SND1: variants seen among roughly 807,000 people sequenced by gnomAD.
SND1 encodes staphylococcal nuclease domain-containing protein 1.
In SND1, 38 loss-of-function variants were observed where a neutral mutation model predicts 121.7. The ratio of observed to expected loss-of-function variants is 0.31; its 90% CI spans 0.24 to 0.41. SND1 has a LOEUF of 0.41. SND1 is among the 10% of genes least tolerant of loss of function. The pLI, the probability that SND1 is intolerant of heterozygous loss-of-function variation, is 1.00. For missense variants in SND1, 868 were observed against 1,184.6 expected (o/e 0.73, Z 3.92); for synonymous variants, 401 against 447.4 (o/e 0.90, Z 1.31).
At chr7:128,024,513 C>T (rs1286328173) in intron 16 of SND1, among the ~76,000 whole-genome samples, 1 of 152,180 alleles carries the variant, frequency 6.6e-6, no homozygotes, top group African/African-American at 2.4e-5. Context: ...TAGCCCTCTC[C>T]CAGTCTCTAC....
intron 10 of SND1, among the ~76,000 whole-genome samples, chr7:127,722,179 G>T (rs1796506085): frequency 1.3e-5 from 2 of 152,160 alleles, no homozygotes; most frequent in Admixed American, 1.3e-4. Flanking sequence ...TAAACTGTGT[G>T]ATTATGTTAA....
intron 11 of SND1, among the ~76,000 whole-genome samples, chr7:127,823,046 A>G (rs1455844426): frequency 6.6e-6 from 1 of 152,226 alleles, no homozygotes; most frequent in Non-Finnish European, 1.5e-5. Context: ...GTTTAGGAAA[A>G]TTAAGAACAG....
intron 10 of SND1, among the ~76,000 whole-genome samples, chr7:127,746,907 G>A (rs1423041095): frequency 6.6e-6 from 1 of 152,226 alleles, no homozygotes; most frequent in Non-Finnish European, 1.5e-5. Flanking sequence ...AGCCATTTAA[G>A]TAGTCAGCAT....
chr7:127,717,119 ACAGAGTTCTTAT>A (rs1796405340), intron 9 of SND1, among the ~76,000 whole-genome samples: 2 of 152,356 alleles, frequency 1.3e-5, no homozygotes, highest in South Asian at 4.1e-4. Flanking sequence ...AGCAGGTAGC[ACAGAGTTCTTAT>A]ATTACTCATC....
intron 10 of SND1, among the ~76,000 whole-genome samples, chr7:127,729,439 C>CTTTT (rs10712716): frequency 3.1e-5 from 3 of 97,352 alleles, no homozygotes; most frequent in African/African-American, 1.2e-4. Context: ...AGATAAATTA[C>CTTTT]TTTTTTTTTT....
intron 16 of SND1, among the ~76,000 whole-genome samples, chr7:128,022,347 C>A (rs779437057): frequency 5.9e-5 from 9 of 152,052 alleles, no homozygotes; most frequent in Non-Finnish European, 1.0e-4. Context: ...AATGAACAAA[C>A]CTGAAAGCCT....
chr7:127,948,947 A>AT (rs1801397168), intron 15 of SND1, among the ~76,000 whole-genome samples: 1 of 152,258 alleles, frequency 6.6e-6, no homozygotes, highest in African/African-American at 2.4e-5. Flanking sequence ...AAGCTGAGAA[A>AT]TAAGTTTCAA....
At chr7:127,704,065 C>T (rs986146503) in intron 7 of SND1, among the ~76,000 whole-genome samples, 1 of 152,154 alleles carries the variant, frequency 6.6e-6, no homozygotes, top group Non-Finnish European at 1.5e-5. Flanking sequence ...CTGCTTTTAG[C>T]AGGGAGTAGG....
chr7:127,884,197 G>T (rs1799850185), intron 12 of SND1, among the ~76,000 whole-genome samples: 1 of 151,916 alleles, frequency 6.6e-6, no homozygotes. Flanking sequence ...TTGTTTTCTG[G>T]TACTACATGT....
At chr7:128,046,193 C>G (rs1347187817) in intron 16 of SND1, among the ~76,000 whole-genome samples, 2 of 152,156 alleles carry the variant, frequency 1.3e-5, no homozygotes, top group African/African-American at 4.8e-5. Context: ...AACTCCTGAG[C>G]TAAAGCAATC....
chr7:127,865,547 C>A (rs1005245625), intron 12 of SND1, among the ~76,000 whole-genome samples: 1 of 152,052 alleles, frequency 6.6e-6, no homozygotes, highest in Admixed American at 6.6e-5. Context: ...TAATTAAGTC[C>A]TTTGGCTTCA....
intron 13 of SND1, 136 bp downstream of exon 13, chr7:127,888,148 C>G (rs1799946163): frequency 1.8e-6 from 1 of 559,746 alleles, no homozygotes; most frequent in African/African-American, 1.9e-5. Context: ...TCTAGATTTT[C>G]CCCATGAAAA....
chr7:128,047,282 G>T (rs1167900674), intron 16 of SND1, among the ~76,000 whole-genome samples: 1 of 152,212 alleles, frequency 6.6e-6, no homozygotes, highest in East Asian at 1.9e-4. Flanking sequence ...TTTCCACAGT[G>T]AGTGCCTGTG....
chr7:127,709,125 T>C (rs1349897186), intron 9 of SND1, among the ~76,000 whole-genome samples: 2 of 152,182 alleles, frequency 1.3e-5, no homozygotes, highest in African/African-American at 2.4e-5. Context: ...CTTGCACCTG[T>C]TGGGATATCC....
chr7:127,701,366 C>CT (rs764559701), intron 5 of SND1, 43 bp downstream of exon 5: 5 of 1,588,632 alleles, frequency 3.1e-6, no homozygotes, highest in Non-Finnish European at 4.3e-6. Flanking sequence ...AGGGTGATTT[C>CT]TTTCTGTTTG....
intron 12 of SND1, among the ~76,000 whole-genome samples, chr7:127,852,337 T>C (rs925330141): frequency 1.7e-4 from 24 of 140,764 alleles, no homozygotes; most frequent in Admixed American, 4.4e-4. Context: ...CTACTAAAAA[T>C]AGGAAAATTA....
chr7:128,061,071 A>G (rs969882146), intron 16 of SND1, among the ~76,000 whole-genome samples: 1 of 152,234 alleles, frequency 6.6e-6, no homozygotes, highest in African/African-American at 2.4e-5. Flanking sequence ...CAGCTACTTC[A>G]TGCCTGAGAA....
intron 1 of SND1, among the ~76,000 whole-genome samples, chr7:127,655,316 T>G (rs1291287043): frequency 6.6e-6 from 1 of 152,216 alleles, no homozygotes; most frequent in Non-Finnish European, 1.5e-5. Context: ...GTTGAAGAAC[T>G]TGGGAATCCA....
At chr7:128,091,774 G>A in intron 22 of SND1, 63 bp from the exon 23 acceptor site, 1 of 1,561,482 alleles carries the variant, frequency 6.4e-7, no homozygotes, top group Non-Finnish European at 8.8e-7. Context: ...ATTCTGCAGG[G>A]TCCTGCTGGC....
Sources: gnomAD v4.1 joint callset for allele counts (sites outside exome capture counted in the v4.1 genomes callset) on GRCh38, gnomAD v4.1.1 for gene constraint, MANE v1.5 for transcripts, NCBI Gene and HGNC (gene_info 2026-07-23, HGNC 2026-07-21) for gene names.